Variants in KLHL32 observed in about 807,000 individuals in gnomAD.
KLHL32 encodes kelch-like protein 32.
A neutral mutation model predicts 64.8 loss-of-function variants in KLHL32; 35 were observed. The ratio of observed to expected loss-of-function variants is 0.54; its 90% CI spans 0.41 to 0.72. KLHL32 has a LOEUF of 0.72. Ranked by LOEUF, KLHL32 falls within the 30% of genes least tolerant of loss-of-function variation. The pLI, the probability that KLHL32 is intolerant of heterozygous loss-of-function variation, is 0.00. For missense variants in KLHL32, 589 were observed against 768.5 expected (o/e 0.77, Z 2.76); for synonymous variants, 259 against 281.0 (o/e 0.92, Z 0.78).
At chr6:97,110,970 A>G (rs1797033583) in intron 6 of KLHL32, among the ~76,000 whole-genome samples, 1 of 151,642 alleles carries the variant, frequency 6.6e-6, no homozygotes, top group African/African-American at 2.4e-5. Context: ...TTATAAAAGA[A>G]CAGATAAGGA....
intron 3 of KLHL32, among the ~76,000 whole-genome samples, chr6:97,028,363 T>C (rs1340587486): frequency 1.3e-5 from 2 of 152,172 alleles, no homozygotes; most frequent in Non-Finnish European, 2.9e-5. Flanking sequence ...GTCTTGCTTC[T>C]TACACACACC....
At chr6:97,111,028 C>CT (rs1157040121) in intron 6 of KLHL32, among the ~76,000 whole-genome samples, 30 of 147,018 alleles carry the variant, frequency 2.0e-4, no homozygotes, top group African/African-American at 8.1e-4. Flanking sequence ...ACAGAAAAGT[C>CT]TTGGGGGGGG....
At chr6:97,129,335 G>C (rs540634745) in intron 8 of KLHL32, among the ~76,000 whole-genome samples, 1 of 152,248 alleles carries the variant, frequency 6.6e-6, no homozygotes, top group Non-Finnish European at 1.5e-5. Context: ...TGGCAAAAAG[G>C]AATCTGGGTT....
At chr6:97,127,164 G>T (rs886167870) in intron 7 of KLHL32, among the ~76,000 whole-genome samples, 2 of 152,164 alleles carry the variant, frequency 1.3e-5, no homozygotes, top group Non-Finnish European at 2.9e-5. Context: ...CAGAATTGGG[G>T]TCCTCTTGGT....
chr6:96,991,239 G>A (rs1220626616), intron 3 of KLHL32, among the ~76,000 whole-genome samples: 6 of 152,026 alleles, frequency 3.9e-5, no homozygotes, highest in Non-Finnish European at 7.4e-5. Flanking sequence ...CCCCTCCCAG[G>A]GAAACTTAGA....
chr6:96,998,545 A>AGT (rs1443933940), intron 3 of KLHL32, among the ~76,000 whole-genome samples: 2 of 152,190 alleles, frequency 1.3e-5, no homozygotes, highest in Non-Finnish European at 2.9e-5. Context: ...CTACTGTCCT[A>AGT]AATAGCAAAG....
intron 3 of KLHL32, among the ~76,000 whole-genome samples, chr6:96,991,477 G>A (rs1041043410): frequency 1.3e-5 from 2 of 152,052 alleles, no homozygotes; most frequent in African/African-American, 4.8e-5. Flanking sequence ...TAATGGCAGA[G>A]GGGCTATGGG....
chr6:96,923,172 AGCT>A (rs1469732706), upstream of KLHL32, among the ~76,000 whole-genome samples: 3 of 152,248 alleles, frequency 2.0e-5, no homozygotes, highest in South Asian at 2.1e-4. Flanking sequence ...CTAAATAAAT[AGCT>A]GCTATTTATT....
intron 4 of KLHL32, among the ~76,000 whole-genome samples, chr6:97,056,392 A>G (rs1787949949): frequency 1.3e-5 from 2 of 152,058 alleles, no homozygotes; most frequent in African/African-American, 4.8e-5. Context: ...AACGTGAGCC[A>G]CCAGGCCCGG....
chr6:97,056,106 C>CTTTTTTTTTTTTTTTTTTTTTTT (rs1171932769), intron 4 of KLHL32, among the ~76,000 whole-genome samples: 2 of 85,080 alleles, frequency 2.4e-5, no homozygotes, highest in African/African-American at 5.4e-5. Flanking sequence ...CTTTTTTTTT[C>CTTTTTTTTTTTTTTTTTTTTTTT]TTTTTTTTTT....
At chr6:97,072,260 T>A (rs1790865782) in intron 5 of KLHL32, among the ~76,000 whole-genome samples, 1 of 152,180 alleles carries the variant, frequency 6.6e-6, no homozygotes, top group Non-Finnish European at 1.5e-5. Context: ...TTCAATCAGA[T>A]CCACATTACT....
chr6:97,120,290 T>G (rs941610053), intron 7 of KLHL32, among the ~76,000 whole-genome samples: 1 of 152,108 alleles, frequency 6.6e-6, no homozygotes, highest in South Asian at 2.1e-4. Context: ...TGAGGAGGTT[T>G]CTTGTAGATT....
chr6:97,117,822 A>C (rs755550910), intron 7 of KLHL32, among the ~76,000 whole-genome samples: 1 of 152,252 alleles, frequency 6.6e-6, no homozygotes, highest in African/African-American at 2.4e-5. Flanking sequence ...TCCTGAGCTC[A>C]TCATGAAGAA....
chr6:96,981,421 G>A (rs1776299831), intron 3 of KLHL32, among the ~76,000 whole-genome samples: 1 of 151,826 alleles, frequency 6.6e-6, no homozygotes, highest in Non-Finnish European at 1.5e-5. Context: ...ATTTCTGATT[G>A]CATTTATTTG....
At chr6:96,983,212 G>T (rs1776550351) in intron 3 of KLHL32, among the ~76,000 whole-genome samples, 1 of 152,284 alleles carries the variant, frequency 6.6e-6, no homozygotes, top group South Asian at 2.1e-4. Flanking sequence ...AACTAGCCTT[G>T]CATCCCAGGG....
Position 97,046,267 on chromosome 6 carries a change from T to A in KLHL32, c.312+4668T>A, listed in dbSNP as rs187791450. On this transcript the variant is annotated intron_variant, in intron 4 of 10. Transcript: ENST00000369261. ...GAATGCTGTGACCCCACTTGAAAGA[T>A]GACAGGCCCAGGGAAATGCAGTGAA... 2.5e-4 allele frequency among the ~76,000 whole-genome samples: 38 copies of A among 152,352 alleles called. 2 individuals carry two copies. The highest frequency in any genetic ancestry group is 2.4e-3 in the Admixed American group (36 of 15,306).
chr6:97,131,565 G>A (rs1799449437), intron 9 of KLHL32, among the ~76,000 whole-genome samples: 1 of 152,066 alleles, frequency 6.6e-6, no homozygotes, highest in Non-Finnish European at 1.5e-5. Context: ...TACCCCTCAT[G>A]TTTCTTTATG....
intron 1 of KLHL32, among the ~76,000 whole-genome samples, chr6:96,934,846 C>T (rs531362259): frequency 1.3e-5 from 2 of 152,236 alleles, no homozygotes; most frequent in African/African-American, 4.8e-5. Context: ...TGGATATAAT[C>T]TTATGGGTCA....
rs199552121 is a variant in KLHL32, at chr6:97,057,172, C to CTTTTTTTTTTTTTTTT, written c.313-7442_313-7427dup. 3.1e-5 allele frequency among the ~76,000 whole-genome samples: 2 copies of CTTTTTTTTTTTTTTTT among 64,998 alleles called. 1 individual carries two copies. The highest frequency in any genetic ancestry group is 1.8e-4 in the African/African-American group (2 of 11,318). 42.6% of individuals were successfully genotyped at this position (64,998 alleles called of 152,430 possible). A position where few individuals can be genotyped will look rare whatever the true frequency, so the allele number is the denominator to read the frequency against. On this transcript the variant is annotated intron_variant, in intron 4 of 10. Coordinates refer to ENST00000369261, the MANE Select transcript of KLHL32 (RefSeq NM_052904.4). ...AAATGCAGTTTTCCTATGTGAGTAT[C>CTTTTTTTTTTTTTTTT]TTTTTTTTTTTTTTTTTTTTTTTTT...
Sources: allele counts gnomAD v4.1 joint callset (sites outside exome capture counted in the v4.1 genomes callset), GRCh38; gene constraint gnomAD v4.1.1; transcripts MANE v1.5; gene names NCBI Gene and HGNC (gene_info 2026-07-23, HGNC 2026-07-21).